The following EEF1AKMT2 variants were observed in gnomAD, a reference collection of about 807,000 sequenced individuals.
The protein encoded by EEF1AKMT2 is EEF1A lysine methyltransferase 2, also known as eukaryotic translation elongation factor 1 alpha lysine methyltransferase 2.
In EEF1AKMT2, 32 loss-of-function variants were observed where a neutral mutation model predicts 35.8. That is an observed-to-expected ratio of 0.89 (90% CI 0.67 to 1.20). The LOEUF (loss-of-function observed/expected upper bound fraction) is 1.20. Ranked by LOEUF, EEF1AKMT2 falls within the 50% of genes most tolerant of loss-of-function variation. The probability of loss-of-function intolerance (pLI) is 0.00; values close to 1 mark genes in which losing one functional copy is unlikely to be tolerated. For synonymous variants in EEF1AKMT2, 121 were observed against 133.7 expected (o/e 0.91, Z 0.65); for missense variants, 330 against 347.5 (o/e 0.95, Z 0.40).
intron 5 of EEF1AKMT2, among the ~76,000 whole-genome samples, chr10:124,764,513 T>C (rs1466855629): frequency 6.6e-6 from 1 of 152,188 alleles, no homozygotes; most frequent in African/African-American, 2.4e-5. Flanking sequence ...TCTCACAAGA[T>C]CTCCACTAAG....
chr10:124,770,646 G>T (rs1950424771), intron 4 of EEF1AKMT2, among the ~76,000 whole-genome samples: 2 of 152,130 alleles, frequency 1.3e-5, no homozygotes, highest in South Asian at 4.1e-4. Flanking sequence ...AAATTTCTCT[G>T]GAGTACATGA....
At chr10:124,789,953 G>A (rs528676733) in intron 2 of EEF1AKMT2, among the ~76,000 whole-genome samples, 38 of 150,798 alleles carry the variant, frequency 2.5e-4, no homozygotes, top group Non-Finnish European at 4.9e-4. Context: ...GTGCAGTGGC[G>A]CGATCTCAGC....
At chr10:124,774,828 T>C (rs1950474822) in intron 3 of EEF1AKMT2, 46 bp from the exon 4 acceptor site, 1 of 941,094 alleles carries the variant, frequency 1.1e-6, no homozygotes. Context: ...TTTAATATAA[T>C]GTTTTGTTTA....
intron 3 of EEF1AKMT2, 70 bp from the exon 4 acceptor site, chr10:124,774,852 T>C: frequency 1.4e-6 from 1 of 721,230 alleles, no homozygotes; most frequent in Non-Finnish European, 2.1e-6. Flanking sequence ...ATTATAATAT[T>C]CCTTTAGGAC....
intron 5 of EEF1AKMT2, among the ~76,000 whole-genome samples, chr10:124,764,133 T>C (rs1403529047): frequency 1.3e-5 from 2 of 152,122 alleles, no homozygotes; most frequent in African/African-American, 2.4e-5. Context: ...ATAAGGTATA[T>C]GCAGTACGGT....
chr10:124,759,294 T>C lies in EEF1AKMT2; in HGVS notation c.*1209A>G, dbSNP rs1297585906. The C allele has an allele frequency of 1.3e-5, 2 of 152,220 alleles. No homozygotes were observed. The highest frequency in any genetic ancestry group is 2.9e-5 in the Non-Finnish European group (2 of 68,040). 9.4% of individuals were successfully genotyped at this position (152,220 alleles called of 1,614,324 possible). ...TTGTGCATGTATCGCTGAGGGCTTA[T>C]ATAACTTACACTACCCTTTCACAGA... On this transcript the variant is annotated 3_prime_UTR_variant, in exon 7 of 7. Coordinates refer to ENST00000368836, the MANE Select transcript of EEF1AKMT2 (RefSeq NM_212554.4).
chr10:124,790,708 G>A (rs1564912112), intron 1 of EEF1AKMT2, among the ~76,000 whole-genome samples: 1 of 152,200 alleles, frequency 6.6e-6, no homozygotes, highest in Admixed American at 6.5e-5. Flanking sequence ...TCTCTTTCCT[G>A]TGCTATTTGT....
At chr10:124,788,988 T>C in intron 3 of EEF1AKMT2, 55 bp downstream of exon 3, 1 of 1,322,730 alleles carries the variant, frequency 7.6e-7, no homozygotes, top group African/African-American at 1.5e-5. Context: ...GCAGGGCCTT[T>C]AAAAATTTTC....
intron 3 of EEF1AKMT2, among the ~76,000 whole-genome samples, chr10:124,786,597 T>G (rs1950586420): frequency 6.6e-6 from 1 of 151,382 alleles, no homozygotes; most frequent in Non-Finnish European, 1.5e-5. Flanking sequence ...ATGGATTACC[T>G]GAGGTCAGGA....
intron 6 of EEF1AKMT2, among the ~76,000 whole-genome samples, chr10:124,761,163 T>C (rs564977557): frequency 6.6e-6 from 1 of 152,358 alleles, no homozygotes; most frequent in South Asian, 2.1e-4. Flanking sequence ...CAACATCGCC[T>C]GGCCCTGTGT....
intron 4 of EEF1AKMT2, among the ~76,000 whole-genome samples, chr10:124,772,641 T>C (rs1163833038): frequency 6.6e-6 from 1 of 152,128 alleles, no homozygotes; most frequent in African/African-American, 2.4e-5. Context: ...TCGGCCAGGC[T>C]GGTCTTAAAC....
chr10:124,768,039 C>G (rs1048267424), intron 4 of EEF1AKMT2, among the ~76,000 whole-genome samples: 1 of 152,064 alleles, frequency 6.6e-6, no homozygotes, highest in African/African-American at 2.4e-5. Context: ...GTTATTTGAG[C>G]AAAGATCTGA....
intron 2 of EEF1AKMT2, among the ~76,000 whole-genome samples, 178 bp downstream of exon 2, chr10:124,790,095 A>G (rs1358581219): frequency 6.6e-6 from 1 of 151,870 alleles, no homozygotes; most frequent in Admixed American, 6.6e-5. Context: ...GGGTTTCACC[A>G]TGTCGGCCAG....
chr10:124,779,428 C>T (rs1483811860), intron 3 of EEF1AKMT2, among the ~76,000 whole-genome samples: 1 of 151,650 alleles, frequency 6.6e-6, no homozygotes, highest in Non-Finnish European at 1.5e-5. Flanking sequence ...CCACCATGCC[C>T]AGCCAGCAAC....
intron 2 of EEF1AKMT2, among the ~76,000 whole-genome samples, 166 bp from the exon 3 acceptor site, chr10:124,789,323 GGAAT>G (rs1950614533): frequency 6.6e-6 from 1 of 152,144 alleles, no homozygotes; most frequent in Non-Finnish European, 1.5e-5. Context: ...ACCACCTCCA[GGAAT>G]ACAACAGAAT....
chr10:124,791,328 T>C (rs1950632528), intron 1 of EEF1AKMT2, among the ~76,000 whole-genome samples: 1 of 151,474 alleles, frequency 6.6e-6, no homozygotes, highest in Non-Finnish European at 1.5e-5. Flanking sequence ...CCTCCCCTCC[T>C]ACTCAGCCTT....
intron 3 of EEF1AKMT2, among the ~76,000 whole-genome samples, chr10:124,785,012 G>C (rs1467223922): frequency 6.6e-6 from 1 of 151,556 alleles, no homozygotes; most frequent in Non-Finnish European, 1.5e-5. Context: ...ACTTTGGGGA[G>C]CCAAGGGGGG....
chr10:124,767,443 C>T (rs1280677557), intron 4 of EEF1AKMT2, among the ~76,000 whole-genome samples: 14 of 143,948 alleles, frequency 9.7e-5, no homozygotes, highest in African/African-American at 2.9e-4. Flanking sequence ...AACTGGGAAG[C>T]AGAGGTTGCA....
rs373859853 is a variant in EEF1AKMT2 at position 124,783,574 on chromosome 10, C to G, written c.291+5469G>C. On this transcript the variant is annotated intron_variant, in intron 3 of 6. Coordinates refer to ENST00000368836, the MANE Select transcript of EEF1AKMT2 (RefSeq NM_212554.4). ...CGAGTATGCTTAACTGGCGTATGAC[C>G]CAGCAATTTCACTCCTAAGTAAATA... is the stretch of plus-strand genomic sequence containing the variant. Among the ~76,000 whole-genome samples, 17 of 152,208 alleles carry G rather than the reference C, an allele frequency of 1.1e-4. No individual in the cohort carries two copies. The East Asian group carries it at 2.7e-3, about 24-fold the overall frequency.
Sources: allele counts gnomAD v4.1 joint callset (sites outside exome capture counted in the v4.1 genomes callset), GRCh38; gene constraint gnomAD v4.1.1; transcripts MANE v1.5; gene names NCBI Gene and HGNC (gene_info 2026-07-23, HGNC 2026-07-21).